The following CHN2 variants were observed in gnomAD, a reference collection of about 807,000 sequenced individuals.
CHN2 encodes chimerin 2.
A neutral mutation model predicts 56.3 loss-of-function variants in CHN2; 35 were observed. The ratio of observed to expected loss-of-function variants is 0.62; its 90% CI spans 0.47 to 0.82. The LOEUF (loss-of-function observed/expected upper bound fraction) is 0.82, where lower values mean the gene tolerates loss of function less well. Ranked by LOEUF, CHN2 falls within the 40% of genes least tolerant of loss-of-function variation. CHN2 has a pLI of 0.00. For missense variants in CHN2, 491 were observed against 580.5 expected, an observed-to-expected ratio of 0.85 and a Z score of 1.58; for synonymous variants, 210 against 212.8, an observed-to-expected ratio of 0.99 and a Z score of 0.12.
At chr7:29,273,485 G>A (rs1358405581) in intron 1 of CHN2, among the ~76,000 whole-genome samples, 11 of 150,292 alleles carry the variant, frequency 7.3e-5, no homozygotes, top group African/African-American at 2.4e-4. Context: ...GTGAACACGG[G>A]AGTGCAGCTA....
intron 3 of CHN2, among the ~76,000 whole-genome samples, chr7:29,391,706 G>A (rs1801385131): frequency 6.6e-6 from 1 of 152,208 alleles, no homozygotes; most frequent in East Asian, 1.9e-4. Flanking sequence ...CTCCTTAAGC[G>A]TTTCCCTCTG....
Position 29,210,137 on chromosome 7 carries a change from A to G in CHN2, c.49+15147A>G, listed in dbSNP as rs908871545. 2.8e-4 allele frequency among the ~76,000 whole-genome samples: 42 copies of G among 152,158 alleles called. 1 individual carries two copies. The highest frequency in any genetic ancestry group is 5.9e-4 in the Admixed American group (9 of 15,270). ...TCTGCCTGTTTCCTCTTGCCAATTT[A>G]TGGTGCCTTGGTGGTCCCCCAAGGG... On this transcript the variant is annotated intron_variant, in intron 1 of 12. Coordinates refer to ENST00000222792, the MANE Select transcript of CHN2 (RefSeq NM_004067.4).
At chr7:29,285,541 C>T (rs891466303) in intron 1 of CHN2, among the ~76,000 whole-genome samples, 10 of 152,204 alleles carry the variant, frequency 6.6e-5, no homozygotes, top group African/African-American at 1.4e-4. Context: ...ATGAATGCAG[C>T]GTTAGACCAC....
At chr7:29,472,072 G>A (rs1260937361) in intron 6 of CHN2, among the ~76,000 whole-genome samples, 1 of 152,070 alleles carries the variant, frequency 6.6e-6, no homozygotes. Context: ...AGCAGGCTGG[G>A]TTGATAAAAG....
At chr7:29,301,969 C>G (rs1350647212) in intron 1 of CHN2, among the ~76,000 whole-genome samples, 7 of 152,140 alleles carry the variant, frequency 4.6e-5, no homozygotes, top group African/African-American at 1.7e-4. Context: ...ACCATCCTGT[C>G]TACCTGTGGC....
intron 1 of CHN2, among the ~76,000 whole-genome samples, chr7:29,205,055 A>G (rs1053515056): frequency 6.6e-6 from 1 of 152,244 alleles, no homozygotes; most frequent in African/African-American, 2.4e-5. Context: ...AAAATGCACA[A>G]CAGCCTTTCA....
chr7:29,299,449 G>C (rs371204938), intron 1 of CHN2, among the ~76,000 whole-genome samples: 4 of 152,148 alleles, frequency 2.6e-5, no homozygotes, highest in African/African-American at 4.8e-5. Context: ...ATTTTGGGGA[G>C]TGTTTTCTGT....
In CHN2 at chr7:29,398,250, CT is replaced by C. The variant is rs113399660; in HGVS notation, c.177-121del. The stretch of plus-strand genomic sequence containing the variant: ...CTTAAGATGGGCAGTAGTCACCCCC[CT>C]TCTTCACTCAGTTGTGGGGCTGTCG... On this transcript the variant is annotated intron_variant, in intron 4 of 12. Coordinates refer to ENST00000222792, the MANE Select transcript of CHN2 (RefSeq NM_004067.4). The C allele has an allele frequency of 1.2e-3, 851 of 681,284 alleles. 6 individuals are homozygous for C. In the African/African-American group the frequency reaches 0.013, roughly 10 times the overall value. The allele number at this position is 681,284 out of a possible 1,614,324, so 42.2% of individuals were successfully genotyped here.
rs1202556342 is a variant in CHN2 at position 29,514,061 on chromosome 7, G to T, written c.*1326G>T. ...GAGCAGAAGAGAATGACTATTTTAC[G>T]TGGAGCATCATTGTGTGACTGTTGA... On this transcript the variant is annotated 3_prime_UTR_variant, in exon 13 of 13. Coordinates refer to ENST00000222792, the MANE Select transcript of CHN2 (RefSeq NM_004067.4). 6.6e-6 allele frequency: 1 copy of T among 152,622 alleles called. No homozygotes were observed. The highest frequency in any genetic ancestry group is 1.5e-5 in the Non-Finnish European group (1 of 68,044). The allele number at this position is 152,622 out of a possible 1,614,324, so 9.5% of individuals were successfully genotyped here. A position where few individuals can be genotyped will look rare whatever the true frequency, so the allele number is the denominator to read the frequency against.
chr7:29,440,395 A>G (rs1243013813), intron 6 of CHN2, among the ~76,000 whole-genome samples: 1 of 152,194 alleles, frequency 6.6e-6, no homozygotes, highest in African/African-American at 2.4e-5. Context: ...TACAACAATT[A>G]AAGAGTGCAC....
At chr7:29,237,042 C>T (rs1412178721) in intron 1 of CHN2, among the ~76,000 whole-genome samples, 1 of 152,186 alleles carries the variant, frequency 6.6e-6, no homozygotes, top group Non-Finnish European at 1.5e-5. Context: ...TGCCATTATT[C>T]TGCCTACCCC....
intron 1 of CHN2, among the ~76,000 whole-genome samples, chr7:29,254,281 A>G (rs569747321): frequency 2.9e-4 from 44 of 152,286 alleles, no homozygotes; most frequent in Admixed American, 2.6e-3. Context: ...TCATCTCAGC[A>G]CCTGGTACAC....
At chr7:29,424,933 A>G (rs9648362) in intron 6 of CHN2, among the ~76,000 whole-genome samples, 116,412 of 152,082 alleles carry the variant, frequency 0.77, 45,013 homozygotes, top group African/African-American at 0.81. Context: ...TGCATCCTGG[A>G]GCTTGTGATT....
intron 1 of CHN2, among the ~76,000 whole-genome samples, chr7:29,265,365 A>T (rs1790054943): frequency 6.6e-6 from 1 of 151,998 alleles, no homozygotes; most frequent in Non-Finnish European, 1.5e-5. Flanking sequence ...CACAACTTCC[A>T]CTCGCTCTGC....
Position 29,296,162 on chromosome 7 carries a change from C to T in CHN2, c.50-58463C>T, listed in dbSNP as rs574432146. On this transcript the variant is annotated intron_variant, in intron 1 of 12. Coordinates refer to ENST00000222792, the MANE Select transcript of CHN2 (RefSeq NM_004067.4). ...GCAGTGGCGTGATCTCTGCTCACTG[C>T]AACCTCCACCTCCCAGGTTCAAGAA... Among the ~76,000 whole-genome samples the T allele has an allele frequency of 6.6e-5, 10 of 151,800 alleles. No homozygotes were observed. The South Asian group carries it at 1.9e-3, about 29-fold the overall frequency.
At chr7:29,399,049 T>A (rs557899371) in intron 5 of CHN2, among the ~76,000 whole-genome samples, 1 of 152,310 alleles carries the variant, frequency 6.6e-6, no homozygotes, top group Non-Finnish European at 1.5e-5. Context: ...ACTCCTTACT[T>A]GATATCTTCA....
chr7:29,410,318 A>G (rs1803082716), intron 6 of CHN2, among the ~76,000 whole-genome samples: 1 of 151,926 alleles, frequency 6.6e-6, no homozygotes, highest in African/African-American at 2.4e-5. Flanking sequence ...TTGTCTTTTT[A>G]GTAATTATAT....
Position 29,398,366 on chromosome 7 carries a change from C to T in CHN2, c.177-7C>T, listed in dbSNP as rs1249570199. The stretch of plus-strand genomic sequence containing the variant: ...TGTTCAGAGCATTGATGGTCTTGTA[C>T]CTTCAGGTTTCATGGGATCATCTCT... On this transcript the variant is annotated splice_polypyrimidine_tract_variant and splice_region_variant and intron_variant, in intron 4 of 12. Coordinates refer to ENST00000222792, the MANE Select transcript of CHN2 (RefSeq NM_004067.4). 4 of 1,598,990 alleles carry T rather than the reference C, an allele frequency of 2.5e-6. No individual in the cohort carries two copies. Among genetic ancestry groups the T allele is most frequent in the Non-Finnish European group, 2.6e-6 (3 of 1,167,692 alleles).
At chr7:29,434,053 T>C (rs912849572) in intron 6 of CHN2, among the ~76,000 whole-genome samples, 7 of 152,194 alleles carry the variant, frequency 4.6e-5, no homozygotes, top group Non-Finnish European at 1.0e-4. Flanking sequence ...CCATCTTTTC[T>C]TCCTCTCCTA....
Sources: gnomAD v4.1 joint callset for allele counts (sites outside exome capture counted in the v4.1 genomes callset) on GRCh38, gnomAD v4.1.1 for gene constraint, MANE v1.5 for transcripts, NCBI Gene and HGNC (gene_info 2026-07-23, HGNC 2026-07-21) for gene names.